The following HIBADH variants were observed in gnomAD, a reference collection of about 807,000 sequenced individuals.
HIBADH encodes the protein 3-hydroxyisobutyrate dehydrogenase, also known as 3-hydroxyisobutyrate dehydrogenase, mitochondrial.
HIBADH carries 25 observed loss-of-function variants against 36.1 expected under a neutral mutation model. That is an observed-to-expected ratio of 0.69 (90% CI 0.50 to 0.97). HIBADH has a LOEUF of 0.97. Among genes scored for constraint, HIBADH ranks in the 50% least tolerant of loss-of-function variants. The pLI is 0.00. For missense variants in HIBADH, 421 were observed against 418.0 expected (o/e 1.01, Z -0.06); for synonymous variants, 160 against 149.5 (o/e 1.07, Z -0.51).
chr7:27,610,426 T>C (rs1785303567), intron 4 of HIBADH, among the ~76,000 whole-genome samples: 1 of 152,196 alleles, frequency 6.6e-6, no homozygotes, highest in Non-Finnish European at 1.5e-5. Context: ...TCCTGGTATC[T>C]ACCTTCTTAA....
intron 7 of HIBADH, among the ~76,000 whole-genome samples, chr7:27,527,105 G>A (rs970689940): frequency 6.6e-6 from 1 of 151,942 alleles, no homozygotes; most frequent in African/African-American, 2.4e-5. Flanking sequence ...CCAAGAGACA[G>A]AACAAGAGGG....
rs563984464 is a variant in HIBADH, at chr7:27,622,655, C to T, written c.484+6716G>A. Among the ~76,000 whole-genome samples the T allele has an allele frequency of 4.9e-4, 75 of 152,112 alleles. 1 individual carries two copies. The highest frequency in any genetic ancestry group is 8.5e-4 in the Admixed American group (13 of 15,282). On this transcript the variant is annotated intron_variant, in intron 4 of 7. Coordinates refer to ENST00000265395, the MANE Select transcript of HIBADH (RefSeq NM_152740.4). Reference sequence around the variant, plus strand: ...TCAGAGACTATTATGAACTACTATACGCTTAAAAAGCAGGAAAACCTACAG... The same window carrying T: ...TCAGAGACTATTATGAACTACTATATGCTTAAAAAGCAGGAAAACCTACAG...
At chr7:27,530,484 G>C (rs1783976181) in intron 7 of HIBADH, among the ~76,000 whole-genome samples, 1 of 152,116 alleles carries the variant, frequency 6.6e-6, no homozygotes, top group Non-Finnish European at 1.5e-5. Flanking sequence ...TGGGATTAAA[G>C]GCATGAGCTA....
At chr7:27,572,236 T>G (rs889745837) in intron 4 of HIBADH, among the ~76,000 whole-genome samples, 1 of 152,224 alleles carries the variant, frequency 6.6e-6, no homozygotes, top group African/African-American at 2.4e-5. Context: ...CTCGATTATT[T>G]GGTCACTGAA....
At chr7:27,581,810 T>A (rs902727434) in intron 4 of HIBADH, among the ~76,000 whole-genome samples, 1 of 151,162 alleles carries the variant, frequency 6.6e-6, no homozygotes, top group African/African-American at 2.4e-5. Context: ...ATTCTCATTT[T>A]AAAAAAATGA....
chr7:27,584,274 T>C (rs1009546007), intron 4 of HIBADH, among the ~76,000 whole-genome samples: 2 of 152,214 alleles, frequency 1.3e-5, no homozygotes, highest in South Asian at 4.1e-4. Flanking sequence ...AGGCATAATT[T>C]GGTAACATCA....
At chr7:27,591,550 C>CAA (rs11356347) in intron 4 of HIBADH, among the ~76,000 whole-genome samples, 1 of 142,030 alleles carries the variant, frequency 7.0e-6, no homozygotes, top group Non-Finnish European at 1.5e-5. Flanking sequence ...GACTCCGTCT[C>CAA]AAAAAAAAAA....
chr7:27,580,396 C>T (rs1041029226), intron 4 of HIBADH, among the ~76,000 whole-genome samples: 4 of 152,068 alleles, frequency 2.6e-5, no homozygotes, highest in African/African-American at 7.2e-5. Context: ...AATCTCAGTT[C>T]CCAATAACAA....
chr7:27,574,512 CT>C (rs1337484181), intron 4 of HIBADH, among the ~76,000 whole-genome samples: 1 of 151,978 alleles, frequency 6.6e-6, no homozygotes, highest in Non-Finnish European at 1.5e-5. Flanking sequence ...AACTCTTTAC[CT>C]TTTTTATTTG....
At chr7:27,569,483 C>T (rs529518634) in intron 4 of HIBADH, among the ~76,000 whole-genome samples, 34 of 152,198 alleles carry the variant, frequency 2.2e-4, no homozygotes, top group African/African-American at 7.9e-4. Context: ...GTGCATCAGC[C>T]AGGAGCCAGC....
At chr7:27,543,698 C>T (rs1390226071) in intron 4 of HIBADH, among the ~76,000 whole-genome samples, 5 of 152,150 alleles carry the variant, frequency 3.3e-5, no homozygotes, top group Non-Finnish European at 4.4e-5. Flanking sequence ...CTCATATGTA[C>T]TTTTCAATAT....
intron 4 of HIBADH, among the ~76,000 whole-genome samples, chr7:27,563,036 C>G (rs965867818): frequency 6.6e-6 from 1 of 152,138 alleles, no homozygotes; most frequent in Non-Finnish European, 1.5e-5. Flanking sequence ...TCTCTCACCC[C>G]CAGAAGTTCT....
In HIBADH at chr7:27,585,240, C is replaced by CGT. The variant is rs1330198289; in HGVS notation, c.485-42142_485-42141dup. Among the ~76,000 whole-genome samples the CGT allele has an allele frequency of 4.8e-5, 7 of 145,736 alleles. 1 individual carries two copies. Among genetic ancestry groups the CGT allele is most frequent in the Middle Eastern group, 3.4e-3 (1 of 290 alleles). ...GTGTGTATATTTGCATGTGCACACA[C>CGT]GTGTGCATATATACACACGTGTGTA... On this transcript the variant is annotated intron_variant, in intron 4 of 7. Coordinates refer to ENST00000265395, the MANE Select transcript of HIBADH (RefSeq NM_152740.4).
At chr7:27,641,278 A>G (rs1032198717) in intron 2 of HIBADH, among the ~76,000 whole-genome samples, 1 of 152,226 alleles carries the variant, frequency 6.6e-6, no homozygotes, top group Admixed American at 6.5e-5. Flanking sequence ...CACTGAAAGA[A>G]CAGCTGACAT....
intron 4 of HIBADH, among the ~76,000 whole-genome samples, chr7:27,547,627 T>G (rs1784253515): frequency 6.6e-6 from 1 of 151,994 alleles, no homozygotes; most frequent in Non-Finnish European, 1.5e-5. Flanking sequence ...ATGCCAAGGA[T>G]TACAGACAAA....
chr7:27,640,680 T>C (rs1785943105), intron 2 of HIBADH, among the ~76,000 whole-genome samples: 1 of 152,212 alleles, frequency 6.6e-6, no homozygotes, highest in Non-Finnish European at 1.5e-5. Context: ...ATTATTTTAA[T>C]AAGGTTGACA....
intron 4 of HIBADH, among the ~76,000 whole-genome samples, chr7:27,596,751 T>C (rs2128289697): frequency 6.6e-6 from 1 of 152,332 alleles, no homozygotes; most frequent in Admixed American, 6.5e-5. Flanking sequence ...GATGTTGGAA[T>C]ATCTGCATTG....
rs1234863679 is a variant in HIBADH at position 27,632,385 on chromosome 7, T to G, written c.313A>C (p.Thr105Pro). 26 of 1,613,662 alleles carry G rather than the reference T, an allele frequency of 1.6e-5. No individual in the cohort carries two copies. Among genetic ancestry groups the G allele is most frequent in the Non-Finnish European group, 2.2e-5 (26 of 1,179,708 alleles). The change falls in exon 3 of 8, where the codon ACC becomes CCC. Residue 105 changes from threonine to proline, a missense_variant. Physicochemically the swap from Thr to Pro is conservative, Grantham distance 38. Transcript: ENST00000265395. ...TAAGCTTCTATTGCATTGATACTGG[T>G]GGGCAGCATTGTAATAATTCTGTCA... ...KADRIITMLPTSINAIEAYSG... is the reference protein window; with the variant it reads ...KADRIITMLPPSINAIEAYSG...
At chr7:27,584,290 C>T (rs758279075) in intron 4 of HIBADH, among the ~76,000 whole-genome samples, 8 of 151,998 alleles carry the variant, frequency 5.3e-5, no homozygotes, top group East Asian at 1.9e-4. Flanking sequence ...CATCATACAA[C>T]GGTCAATTGG....
Sources: allele counts gnomAD v4.1 joint callset (sites outside exome capture counted in the v4.1 genomes callset), GRCh38; gene constraint gnomAD v4.1.1; transcripts MANE v1.5; gene names NCBI Gene and HGNC (gene_info 2026-07-23, HGNC 2026-07-21).